ANO3: variants seen among roughly 807,000 people sequenced by gnomAD.
ANO3 encodes the protein anoctamin-3.
ANO3 carries 99 observed loss-of-function variants against 144.8 expected under a neutral mutation model. That is an observed-to-expected ratio of 0.68 (90% CI 0.58 to 0.81). ANO3 has a LOEUF of 0.81. Ranked by LOEUF, ANO3 falls within the 30% of genes least tolerant of loss-of-function variation. The probability of loss-of-function intolerance (pLI) is 0.00; values close to 1 mark genes in which losing one functional copy is unlikely to be tolerated. For synonymous variants in ANO3, 414 were observed against 392.6 expected, an observed-to-expected ratio of 1.05 and a Z score of -0.64; for missense variants, 905 against 1,202.2, an observed-to-expected ratio of 0.75 and a Z score of 3.66.
At chr11:26,380,362 T>G (rs1290156176) in intron 1 of ANO3, among the ~76,000 whole-genome samples, 1 of 152,198 alleles carries the variant, frequency 6.6e-6, no homozygotes, top group Non-Finnish European at 1.5e-5. Context: ...CATGAATCAG[T>G]GTAAATGCAT....
In ANO3 at chr11:26,660,531, G is replaced by C. The variant is rs1853847820; in HGVS notation, c.*87G>C. On this transcript the variant is annotated 3_prime_UTR_variant, in exon 27 of 27. Transcript: ENST00000256737. Reference sequence around the variant, plus strand: ...ATGCTAGGTGAAATCTAGGAGGAAGGCATACTTGGCAAACCACATGTATAA... The same window carrying C: ...ATGCTAGGTGAAATCTAGGAGGAAGCCATACTTGGCAAACCACATGTATAA... 8 of 1,260,590 alleles carry C rather than the reference G, an allele frequency of 6.3e-6. No homozygotes were observed. The highest frequency in any genetic ancestry group is 2.4e-5 in the Admixed American group (1 of 42,296). 78.1% of individuals were successfully genotyped at this position (1,260,590 alleles called of 1,614,324 possible).
At chr11:26,208,999 A>G (rs35383678) in intron 1 of ANO3, among the ~76,000 whole-genome samples, 36,016 of 152,098 alleles carry the variant, frequency 0.24, 4,937 homozygotes, top group Non-Finnish European at 0.29. Flanking sequence ...AAGTTTTCTC[A>G]TTTTTTAAAA....
intron 14 of ANO3, among the ~76,000 whole-genome samples, chr11:26,564,724 C>CAT (rs1850468028): frequency 3.5e-5 from 2 of 57,402 alleles, no homozygotes; most frequent in African/African-American, 6.7e-5. Context: ...CACACACACA[C>CAT]ACACACACAT....
intron 1 of ANO3, among the ~76,000 whole-genome samples, chr11:26,257,339 A>G (rs1011372107): frequency 3.9e-5 from 6 of 152,074 alleles, no homozygotes; most frequent in Non-Finnish European, 8.8e-5. Context: ...ACCCAAGGAC[A>G]TGTAACTACC....
Position 26,622,457 on chromosome 11 carries a change from G to A in ANO3, c.1837-2005G>A, listed in dbSNP as rs192207441. Reference sequence around the variant, plus strand: ...AAAAAAAAAAAAGAAAAGAAAATGAGCCAGGCATCATAGTGGTGTGTACCT... The same window carrying A: ...AAAAAAAAAAAAGAAAAGAAAATGAACCAGGCATCATAGTGGTGTGTACCT... On this transcript the variant is annotated intron_variant, in intron 17 of 26. Transcript: ENST00000256737. 4.7e-5 allele frequency among the ~76,000 whole-genome samples: 7 copies of A among 150,426 alleles called. No homozygotes were observed. In the East Asian group the frequency reaches 1.4e-3, roughly 29 times the overall value.
chr11:26,483,930 A>C (rs1486527931), intron 4 of ANO3, among the ~76,000 whole-genome samples: 1 of 152,162 alleles, frequency 6.6e-6, no homozygotes, highest in East Asian at 1.9e-4. Context: ...CTCAGATGGA[A>C]ATGAGGAACT....
intron 1 of ANO3, among the ~76,000 whole-genome samples, chr11:26,398,792 C>T (rs1385641255): frequency 3.9e-5 from 6 of 151,950 alleles, no homozygotes; most frequent in African/African-American, 9.7e-5. Flanking sequence ...AGATCTTGTG[C>T]CCCCTGGAAT....
chr11:26,526,060 C>A (rs1849155135), intron 7 of ANO3, among the ~76,000 whole-genome samples: 1 of 152,088 alleles, frequency 6.6e-6, no homozygotes, highest in African/African-American at 2.4e-5. Flanking sequence ...CAGTCCAGTT[C>A]TCTCATTTGA....
intron 11 of ANO3, among the ~76,000 whole-genome samples, chr11:26,543,532 A>G (rs977338564): frequency 1.3e-5 from 2 of 152,078 alleles, no homozygotes; most frequent in Non-Finnish European, 2.9e-5. Context: ...ATATGTATAC[A>G]TGTGCCATAT....
chr11:26,426,351 G>A (rs1463171914), intron 1 of ANO3, among the ~76,000 whole-genome samples: 2 of 152,126 alleles, frequency 1.3e-5, no homozygotes, highest in Admixed American at 6.6e-5. Context: ...ACCCCATCTT[G>A]TGCTATTCAC....
chr11:26,323,435 G>C (rs1276004774), intron 1 of ANO3, among the ~76,000 whole-genome samples: 1 of 152,072 alleles, frequency 6.6e-6, no homozygotes, highest in Non-Finnish European at 1.5e-5. Context: ...AGACTTACTG[G>C]GATTGTGGGC....
intron 1 of ANO3, among the ~76,000 whole-genome samples, chr11:26,396,416 A>C (rs941479794): frequency 6.6e-6 from 1 of 152,054 alleles, no homozygotes; most frequent in African/African-American, 2.4e-5. Flanking sequence ...ACCAGAAATA[A>C]CATTTGACCC....
At chr11:26,370,400 C>A (rs1212382509) in intron 1 of ANO3, among the ~76,000 whole-genome samples, 1 of 152,146 alleles carries the variant, frequency 6.6e-6, no homozygotes, top group Non-Finnish European at 1.5e-5. Context: ...CTTTACAAAT[C>A]ACCCAGTCTC....
chr11:26,570,579 A>G (rs904371987), intron 14 of ANO3, among the ~76,000 whole-genome samples: 1 of 152,142 alleles, frequency 6.6e-6, no homozygotes, highest in African/African-American at 2.4e-5. Flanking sequence ...CAGTTCAGGT[A>G]TACTGCAGGC....
chr11:26,363,829 C>A (rs1263489142), intron 1 of ANO3, among the ~76,000 whole-genome samples: 11 of 147,750 alleles, frequency 7.4e-5, no homozygotes, highest in Admixed American at 6.7e-5. Flanking sequence ...ATACATACTG[C>A]AAAAAAAAAA....
At chr11:26,223,273 A>G (rs1054791937) in intron 1 of ANO3, among the ~76,000 whole-genome samples, 3 of 152,280 alleles carry the variant, frequency 2.0e-5, no homozygotes, top group African/African-American at 7.2e-5. Flanking sequence ...ATGAACACGG[A>G]CAGAATTCAG....
chr11:26,365,255 C>A (rs888576010), intron 1 of ANO3, among the ~76,000 whole-genome samples: 5 of 152,248 alleles, frequency 3.3e-5, no homozygotes, highest in African/African-American at 7.2e-5. Context: ...ACTCCTGCAG[C>A]TTTGTGGAGT....
intron 1 of ANO3, among the ~76,000 whole-genome samples, chr11:26,195,162 T>C (rs1456347026): frequency 1.3e-5 from 2 of 152,210 alleles, no homozygotes; most frequent in South Asian, 2.1e-4. Flanking sequence ...TTGGTTTCTG[T>C]TGGCTACTAG....
chr11:26,537,682 G>A (rs1849546851), intron 10 of ANO3, among the ~76,000 whole-genome samples: 2 of 152,150 alleles, frequency 1.3e-5, no homozygotes. Flanking sequence ...CCCAGCCTTA[G>A]CGAGAACACT....
Sources: allele counts gnomAD v4.1 joint callset (sites outside exome capture counted in the v4.1 genomes callset), GRCh38; gene constraint gnomAD v4.1.1; transcripts MANE v1.5; gene names NCBI Gene and HGNC (gene_info 2026-07-23, HGNC 2026-07-21).